The following FARP1 variants were observed in gnomAD, a reference collection of about 807,000 sequenced individuals.
FARP1 encodes FERM, ARH/RhoGEF and pleckstrin domain protein 1, also known as FERM, ARHGEF and pleckstrin domain-containing protein 1.
A neutral mutation model predicts 128.8 loss-of-function variants in FARP1; 52 were observed. The observed-to-expected ratio is 0.40, with a 90% CI of 0.32 to 0.51. The LOEUF (loss-of-function observed/expected upper bound fraction) is 0.51. Ranked by LOEUF, FARP1 falls within the 20% of genes least tolerant of loss-of-function variation. The probability of loss-of-function intolerance (pLI) is 0.45; values close to 1 mark genes in which losing one functional copy is unlikely to be tolerated. For missense variants in FARP1, 1,333 were observed against 1,367.9 expected (o/e 0.97, Z 0.40); for synonymous variants, 580 against 551.8 (o/e 1.05, Z -0.72).
chr13:98,306,144 A>G (rs1293662747), intron 2 of FARP1, among the ~76,000 whole-genome samples: 1 of 152,244 alleles, frequency 6.6e-6, no homozygotes. Flanking sequence ...CGCTTTATGC[A>G]GTTACTTACA....
At position 98,205,583 on chromosome 13, in the gene FARP1, C is replaced by T. The variant is rs370058655; in HGVS notation, c.-23-7637C>T. 1.3e-4 allele frequency among the ~76,000 whole-genome samples: 20 copies of T among 152,120 alleles called. 1 individual carries two copies. Among genetic ancestry groups the T allele is most frequent in the African/African-American group, 3.6e-4 (15 of 41,514 alleles). On this transcript the variant is annotated intron_variant, in intron 1 of 26. Transcript: ENST00000319562. ...AATTTTTTTGTATTTTTAGTAGAGA[C>T]GGGGTTTCACTGTGTTAGCCAGGGT... is the stretch of plus-strand genomic sequence containing the variant.
intron 2 of FARP1, among the ~76,000 whole-genome samples, chr13:98,297,745 T>G (rs190434171): frequency 2.0e-5 from 3 of 152,320 alleles, no homozygotes; most frequent in South Asian, 2.1e-4. Context: ...CTCTCTCATC[T>G]GATTCTCAAA....
At chr13:98,179,761 G>T (rs891741079) in intron 1 of FARP1, among the ~76,000 whole-genome samples, 2 of 152,108 alleles carry the variant, frequency 1.3e-5, no homozygotes, top group African/African-American at 4.8e-5. Flanking sequence ...GAAGGCTGAG[G>T]CAGGAGAATG....
At chr13:98,162,960 C>T (rs767705032) in intron 1 of FARP1, among the ~76,000 whole-genome samples, 20 of 152,260 alleles carry the variant, frequency 1.3e-4, no homozygotes, top group Non-Finnish European at 2.9e-4. Context: ...ACTGAGCAAT[C>T]TCATTACTGG....
At position 98,374,017 on chromosome 13, in the gene FARP1, A is replaced by G. The variant is rs535244869; in HGVS notation, c.399-3804A>G. 2.2e-4 allele frequency among the ~76,000 whole-genome samples: 33 copies of G among 152,314 alleles called. No individual in the cohort carries two copies. The South Asian group carries it at 6.4e-3, about 30-fold the overall frequency. ...CCATTGCCCGTCACATTAGTAAGAT[A>G]TCCTTTCTGAATTTTTCTATGCATA... is the stretch of plus-strand genomic sequence containing the variant. On this transcript the variant is annotated intron_variant, in intron 5 of 26. Coordinates refer to ENST00000319562, the MANE Select transcript of FARP1 (RefSeq NM_005766.4).
At chr13:98,255,777 A>G (rs1883558474) in intron 2 of FARP1, among the ~76,000 whole-genome samples, 1 of 152,228 alleles carries the variant, frequency 6.6e-6, no homozygotes, top group African/African-American at 2.4e-5. Context: ...TCTGATTCCT[A>G]GCTCATGACT....
intron 1 of FARP1, among the ~76,000 whole-genome samples, chr13:98,207,618 C>A (rs553399690): frequency 6.7e-6 from 1 of 149,454 alleles, no homozygotes; most frequent in East Asian, 2.0e-4. Flanking sequence ...AGCTATAGCC[C>A]AGTGTGAATT....
intron 2 of FARP1, among the ~76,000 whole-genome samples, chr13:98,316,241 G>A (rs1464518720): frequency 6.6e-6 from 1 of 152,038 alleles, no homozygotes; most frequent in Non-Finnish European, 1.5e-5. Context: ...TCTCAGATGT[G>A]GACTCCCTAA....
intron 2 of FARP1, among the ~76,000 whole-genome samples, chr13:98,237,308 A>G (rs1049321907): frequency 6.6e-5 from 10 of 152,124 alleles, no homozygotes; most frequent in Non-Finnish European, 1.2e-4. Flanking sequence ...CCGTCTCAAA[A>G]AAAAAAAAAA....
chr13:98,267,213 C>A (rs1428512740), intron 2 of FARP1, among the ~76,000 whole-genome samples: 1 of 152,100 alleles, frequency 6.6e-6, no homozygotes, highest in Non-Finnish European at 1.5e-5. Flanking sequence ...CCTTTGATAC[C>A]GTGGCAGCAT....
At chr13:98,154,549 C>T (rs9582196) in intron 1 of FARP1, among the ~76,000 whole-genome samples, 9,252 of 152,146 alleles carry the variant, frequency 0.061, 314 homozygotes, top group Middle Eastern at 0.082. Context: ...TGTAAAATCT[C>T]GAGGCCCAGA....
At chr13:98,389,865 T>C in intron 9 of FARP1, 92 bp from the exon 10 acceptor site, 10 of 1,280,660 alleles carry the variant, frequency 7.8e-6, no homozygotes, top group Non-Finnish European at 1.1e-5. Context: ...GAAAACTTTA[T>C]CGGACAAAGC....
intron 17 of FARP1, among the ~76,000 whole-genome samples, chr13:98,430,790 C>T (rs1372656717): frequency 6.6e-6 from 1 of 152,168 alleles, no homozygotes; most frequent in Non-Finnish European, 1.5e-5. Context: ...ATGTTATATA[C>T]ATAGCTTATA....
At chr13:98,397,676 G>A (rs1271497761) in intron 13 of FARP1, 1 of 151,966 alleles carries the variant, frequency 6.6e-6, no homozygotes, top group Non-Finnish European at 1.5e-5. Flanking sequence ...CTGACCCTAG[G>A]GATTTTGATC....
chr13:98,228,702 CT>C lies in FARP1; in HGVS notation c.171+15298del, dbSNP rs537485561. On this transcript the variant is annotated intron_variant, in intron 2 of 26. Coordinates refer to ENST00000319562, the MANE Select transcript of FARP1 (RefSeq NM_005766.4). ...TACCAGGAGTAAAAAGTTAATGGAA[CT>C]TTTTTTTTCTGTTCATTGATCCACT... 7.2e-3 allele frequency among the ~76,000 whole-genome samples: 1,091 copies of C among 151,820 alleles called. 19 individuals are homozygous for C. The highest frequency in any genetic ancestry group is 0.025 in the African/African-American group (1,046 of 41,392).
chr13:98,362,167 G>C (rs189686991), intron 3 of FARP1, among the ~76,000 whole-genome samples: 3 of 152,334 alleles, frequency 2.0e-5, no homozygotes, highest in Admixed American at 6.5e-5. Context: ...GGGAAGCTGA[G>C]GTGGGAGGAT....
chr13:98,260,157 C>A (rs182205808), intron 2 of FARP1, among the ~76,000 whole-genome samples: 1 of 152,120 alleles, frequency 6.6e-6, no homozygotes, highest in Non-Finnish European at 1.5e-5. Context: ...CACACACACA[C>A]GCCCCTCGTC....
intron 2 of FARP1, chr13:98,234,577 G>A (rs9805722): frequency 6.6e-6 from 1 of 152,134 alleles, no homozygotes; most frequent in Non-Finnish European, 1.5e-5. Context: ...TGGAGTGATA[G>A]TGTGTTAGTT....
chr13:98,348,444 G>T (rs68124548), intron 3 of FARP1, among the ~76,000 whole-genome samples: 16,400 of 152,312 alleles, frequency 0.11, 1,155 homozygotes, highest in African/African-American at 0.2. Context: ...GCCATTAGAT[G>T]GCCATGGGGG....
Sources: gnomAD v4.1 joint callset for allele counts (sites outside exome capture counted in the v4.1 genomes callset) on GRCh38, gnomAD v4.1.1 for gene constraint, MANE v1.5 for transcripts, NCBI Gene and HGNC (gene_info 2026-07-23, HGNC 2026-07-21) for gene names.